The following SEMA4F variants were observed in gnomAD, a reference collection of about 807,000 sequenced individuals.
SEMA4F encodes the protein semaphorin-4F.
Under a neutral mutation model 78.4 loss-of-function variants are expected in SEMA4F, and 51 were observed. That is an observed-to-expected ratio of 0.65 (90% CI 0.52 to 0.82). The LOEUF (loss-of-function observed/expected upper bound fraction) is 0.82, where lower values mean the gene tolerates loss of function less well. SEMA4F is among the 40% of genes least tolerant of loss of function. The pLI, the probability that SEMA4F is intolerant of heterozygous loss-of-function variation, is 0.00. For synonymous variants in SEMA4F, 418 were observed against 408.7 expected (o/e 1.02, Z -0.27); for missense variants, 938 against 1,014.4 (o/e 0.92, Z 1.02).
At chr2:74,659,243 T>C (rs1684312954) in intron 4 of SEMA4F, among the ~76,000 whole-genome samples, 1 of 152,176 alleles carries the variant, frequency 6.6e-6, no homozygotes, top group Admixed American at 6.5e-5. Context: ...CATTGCCATA[T>C]TTGTCCTTTT....
At chr2:74,674,706 C>T (rs1471396953) in intron 8 of SEMA4F, 30 bp downstream of exon 8, 10 of 1,608,366 alleles carry the variant, frequency 6.2e-6, no homozygotes, top group South Asian at 1.1e-5. Context: ...AGGAGAGTTA[C>T]AGGGTGGGAG....
chr2:74,669,565 A>G (rs980773587), intron 5 of SEMA4F, among the ~76,000 whole-genome samples: 3 of 152,002 alleles, frequency 2.0e-5, no homozygotes, highest in Non-Finnish European at 4.4e-5. Flanking sequence ...AGCCTGGGCA[A>G]CGGAGCTAGA....
chr2:74,687,964 T>TTAA (rs1221687754), downstream of SEMA4F, among the ~76,000 whole-genome samples: 1 of 152,194 alleles, frequency 6.6e-6, no homozygotes, highest in African/African-American at 2.4e-5. Flanking sequence ...ATAGTTGCCC[T>TTAA]TAATAATAAT....
At chr2:74,665,646 T>A (rs1164251633) in intron 5 of SEMA4F, among the ~76,000 whole-genome samples, 1 of 152,212 alleles carries the variant, frequency 6.6e-6, no homozygotes, top group Non-Finnish European at 1.5e-5. Context: ...TGAGTTGTCA[T>A]GATTATCATT....
intron 5 of SEMA4F, among the ~76,000 whole-genome samples, chr2:74,663,241 A>G (rs913833024): frequency 6.6e-6 from 1 of 152,216 alleles, no homozygotes; most frequent in Non-Finnish European, 1.5e-5. Context: ...CTACATCTGC[A>G]CTGTCCAATA....
intron 5 of SEMA4F, among the ~76,000 whole-genome samples, chr2:74,665,374 C>A (rs375839435): frequency 6.6e-6 from 1 of 151,648 alleles, no homozygotes; most frequent in Non-Finnish European, 1.5e-5. Flanking sequence ...GGACTACAGG[C>A]GCGTGTCACC....
rs560943827 is a variant in SEMA4F at position 74,677,464 on chromosome 2, C to T, written c.1643+1555C>T. Reference sequence around the variant, plus strand: ...AAAAAACCATATTACCATTATCATACCAAAAACTTACTTTCTTAATGTCAT... The same window carrying T: ...AAAAAACCATATTACCATTATCATATCAAAAACTTACTTTCTTAATGTCAT... On this transcript the variant is annotated intron_variant, in intron 12 of 13. Coordinates refer to ENST00000357877, the MANE Select transcript of SEMA4F (RefSeq NM_004263.5). Among the ~76,000 whole-genome samples, 3 of 152,250 alleles carry T rather than the reference C, an allele frequency of 2.0e-5. No individual in the cohort carries two copies. The East Asian group carries it at 5.8e-4, about 29-fold the overall frequency.
the SEMA4F span, among the ~76,000 whole-genome samples, chr2:74,690,324 G>T: frequency 2.0e-5 from 3 of 152,158 alleles, no homozygotes; most frequent in Non-Finnish European, 4.4e-5. Flanking sequence ...GTTAGCAATG[G>T]TCACCCCTGA....
At chr2:74,668,550 T>C (rs1684812229) in intron 5 of SEMA4F, among the ~76,000 whole-genome samples, 1 of 151,550 alleles carries the variant, frequency 6.6e-6, no homozygotes, top group African/African-American at 2.4e-5. Flanking sequence ...CTGAAAAATA[T>C]CTGACTATGA....
At chr2:74,656,198 C>T (rs951002330) in intron 1 of SEMA4F, among the ~76,000 whole-genome samples, 3 of 151,858 alleles carry the variant, frequency 2.0e-5, no homozygotes, top group South Asian at 2.1e-4. Flanking sequence ...TTAGTAGAGA[C>T]GGGATTTCAC....
Position 74,657,880 on chromosome 2 carries a change from C to G in SEMA4F, c.385C>G (p.Leu129Val). The G allele has an allele frequency of 6.2e-7, 1 of 1,614,236 alleles. No homozygotes were observed. Among genetic ancestry groups the G allele is most frequent in the Non-Finnish European group, 8.5e-7 (1 of 1,180,036 alleles). Residue 129 changes from leucine (L) to valine (V), a missense_variant, in exon 4 of 14, where the codon CTC (leucine) becomes GTC (valine). Leu to Val is a conservative substitution (Grantham distance 32). Coordinates refer to ENST00000357877, the MANE Select transcript of SEMA4F (RefSeq NM_004263.5). ...EDECHNFVQI[L>V]AIANASHLLT... Reference sequence around the variant, plus strand: ...CGAATGTCACAATTTTGTCCAGATTCTCGCCATTGCCAATGCCTCTCACCT... The same window carrying G: ...CGAATGTCACAATTTTGTCCAGATTGTCGCCATTGCCAATGCCTCTCACCT...
At chr2:74,665,228 CTTTTTTT>C (rs11348861) in intron 5 of SEMA4F, among the ~76,000 whole-genome samples, 1 of 128,678 alleles carries the variant, frequency 7.8e-6, no homozygotes, top group Non-Finnish European at 1.7e-5. Context: ...CACTCTTTTT[CTTTTTTT>C]TTTTTTTTTT....
chr2:74,661,127 G>A (rs754200328), intron 4 of SEMA4F, among the ~76,000 whole-genome samples: 50 of 152,180 alleles, frequency 3.3e-4, no homozygotes, highest in Non-Finnish European at 6.5e-4. Context: ...GTGCATAAGG[G>A]TTAAAGAGAA....
Position 74,662,713 on chromosome 2 carries a change from G to T in SEMA4F, c.457-19G>T. The T allele has an allele frequency of 1.9e-6, 3 of 1,605,516 alleles. No homozygotes were observed. Among genetic ancestry groups the T allele is most frequent in the East Asian group, 2.2e-5 (1 of 44,846 alleles). On this transcript the variant is annotated intron_variant, in intron 4 of 13. Coordinates refer to ENST00000357877, the MANE Select transcript of SEMA4F (RefSeq NM_004263.5). ...CTTCCCTATGACCCCTAAACCAATT[G>T]CCCCCTTCTGGTCTATAGGATGTGT...
chr2:74,659,755 TC>T lies in SEMA4F; in HGVS notation c.456+1806del, dbSNP rs1183852784. On this transcript the variant is annotated intron_variant, in intron 4 of 13. Transcript: ENST00000357877. The stretch of plus-strand genomic sequence containing the variant: ...GCCCCAGTCTGCTTGACCAAGTTCT[TC>T]CTTTATCCTCACTGCTGAACCTCTC... Among the ~76,000 whole-genome samples the T allele has an allele frequency of 3.9e-5, 6 of 152,344 alleles. No individual in the cohort carries two copies. The East Asian group carries it at 1.2e-3, about 29-fold the overall frequency.
intron 5 of SEMA4F, among the ~76,000 whole-genome samples, chr2:74,670,629 C>T (rs908089163): frequency 6.6e-6 from 1 of 152,244 alleles, no homozygotes; most frequent in East Asian, 1.9e-4. Context: ...ACGCTCCCAG[C>T]GTCTGCTTTA....
rs151281269 is a variant in SEMA4F, at chr2:74,661,535, G to A, written c.457-1197G>A. 1.4e-3 allele frequency among the ~76,000 whole-genome samples: 208 copies of A among 152,312 alleles called. 1 individual carries two copies. The highest frequency in any genetic ancestry group is 4.7e-3 in the African/African-American group (197 of 41,566). On this transcript the variant is annotated intron_variant, in intron 4 of 13. Transcript: ENST00000357877. ...CATCTCTAGAGTGCCCAACCATCTT[G>A]TTAATCTCTCACCAAACCCATCTTT...
rs1462201656 is a variant in SEMA4F, at chr2:74,682,000, G to A, written c.*1791G>A. On this transcript the variant is annotated 3_prime_UTR_variant, in exon 14 of 14. Transcript: ENST00000357877. Reference sequence around the variant, plus strand: ...GTGGGGATAATAAAACCTACCTCAGGGTTGCTTCAAGGATTAAATGAGAAA... The same window carrying A: ...GTGGGGATAATAAAACCTACCTCAGAGTTGCTTCAAGGATTAAATGAGAAA... The A allele has an allele frequency of 6.6e-6, 1 of 152,492 alleles. No homozygotes were observed. Among genetic ancestry groups the A allele is most frequent in the African/African-American group, 2.4e-5 (1 of 41,424 alleles). 9.4% of individuals were successfully genotyped at this position (152,492 alleles called of 1,614,324 possible).
chr2:74,675,251 C>T lies in SEMA4F; in HGVS notation c.1239C>T (p.Leu413=). The part of the protein sequence containing the change: ...RVLTFIRDHP[L]MDRPVFPADG... ...TCACCTTCATCCGGGACCACCCACTCATGGACAGGCCAGTGTTTCCAGCTG... is the reference window on the plus strand; with the variant it reads ...TCACCTTCATCCGGGACCACCCACTTATGGACAGGCCAGTGTTTCCAGCTG... The change falls in exon 10 of 14, where the codon CTC becomes CTT. Residue 413 remains leucine (L), a synonymous_variant. Coordinates refer to ENST00000357877, the MANE Select transcript of SEMA4F (RefSeq NM_004263.5). 7 of 1,614,218 alleles carry T rather than the reference C, an allele frequency of 4.3e-6. No homozygotes were observed. The highest frequency in any genetic ancestry group is 3.3e-5 in the South Asian group (3 of 91,072).
Sources: allele counts gnomAD v4.1 joint callset (sites outside exome capture counted in the v4.1 genomes callset), GRCh38; gene constraint gnomAD v4.1.1; transcripts MANE v1.5; gene names NCBI Gene and HGNC (gene_info 2026-07-23, HGNC 2026-07-21).